Variants in MED13L observed in about 807,000 individuals in gnomAD.
MED13L encodes the protein mediator of RNA polymerase II transcription subunit 13-like.
A neutral mutation model predicts 220.9 loss-of-function variants in MED13L; 7 were observed. The observed-to-expected ratio is 0.03, with a 90% CI of 0.02 to 0.06. The LOEUF is 0.06. Ranked by LOEUF, MED13L falls within the 10% of genes least tolerant of loss-of-function variation. The pLI is 1.00. For missense variants in MED13L, 1,965 were observed against 2,760.5 expected, an observed-to-expected ratio of 0.71 and a Z score of 6.46; for synonymous variants, 1,011 against 1,015.2, an observed-to-expected ratio of 1.00 and a Z score of 0.08.
At chr12:116,061,546 G>C (rs1045104883) in intron 4 of MED13L, among the ~76,000 whole-genome samples, 1 of 152,034 alleles carries the variant, frequency 6.6e-6, no homozygotes, top group African/African-American at 2.4e-5. Flanking sequence ...GATAAAATAA[G>C]TGATAACCTT....
chr12:116,143,408 T>C (rs1877249852), intron 2 of MED13L, among the ~76,000 whole-genome samples: 1 of 151,940 alleles, frequency 6.6e-6, no homozygotes. Flanking sequence ...AAATTTAGCA[T>C]GCTCCTGCTT....
At position 115,972,149 on chromosome 12, in the gene MED13L, G is replaced by A; in HGVS notation, c.5819C>T (p.Ala1940Val). The A allele has an allele frequency of 6.2e-7, 1 of 1,614,040 alleles. No individual in the cohort carries two copies. The highest frequency in any genetic ancestry group is 2.2e-5 in the East Asian group (1 of 44,874). Reference sequence around the variant, plus strand: ...GGCACTAAGGATAGAAGGAGAGTCTGCGGCAGAGATTCCACACATCCGGCA... The same window carrying A: ...GGCACTAAGGATAGAAGGAGAGTCTACGGCAGAGATTCCACACATCCGGCA... ...DVCRMCGISA[A>V]DSPSILSACL... The change falls in exon 26 of 31, where the codon GCA becomes GTA. Residue 1940 changes from alanine to valine, a missense_variant. Ala to Val is a moderately conservative substitution (Grantham distance 64). This residue lies in a region of MED13L where 23 missense variants were observed against 20.4 expected (regional missense o/e 1.12). Transcript: ENST00000281928.
intron 2 of MED13L, among the ~76,000 whole-genome samples, chr12:116,189,384 C>CTA (rs1183523109): frequency 6.6e-6 from 1 of 151,924 alleles, no homozygotes; most frequent in East Asian, 1.9e-4. Context: ...TGAGAAATCT[C>CTA]TATATATACA....
At chr12:115,997,322 T>C in intron 14 of MED13L, 92 bp from the exon 15 acceptor site, 2 of 952,970 alleles carry the variant, frequency 2.1e-6, no homozygotes, top group Non-Finnish European at 1.6e-6. Flanking sequence ...GCACCAAAAA[T>C]AGTGCTAATT....
At chr12:116,043,216 T>C (rs1045239570) in intron 4 of MED13L, among the ~76,000 whole-genome samples, 4 of 152,008 alleles carry the variant, frequency 2.6e-5, no homozygotes, top group African/African-American at 9.7e-5. Flanking sequence ...ATGCATACAA[T>C]AGAGTACAGT....
intron 2 of MED13L, among the ~76,000 whole-genome samples, chr12:116,140,795 A>T (rs1877001314): frequency 6.6e-6 from 1 of 152,194 alleles, no homozygotes; most frequent in South Asian, 2.1e-4. Flanking sequence ...CAACAACTGA[A>T]TTTATCTTAG....
chr12:116,196,430 T>C (rs1232398390), intron 2 of MED13L, among the ~76,000 whole-genome samples: 2 of 151,182 alleles, frequency 1.3e-5, no homozygotes, highest in Non-Finnish European at 2.9e-5. Flanking sequence ...GGCTGCAACT[T>C]AATAGTCCTT....
chr12:116,007,460 T>C lies in MED13L; in HGVS notation c.2189A>G (p.Asn730Ser), dbSNP rs2137378538. Residue 730 changes from asparagine (N) to serine (S), a missense_variant, in exon 11 of 31, where the codon AAC (asparagine) becomes AGC (serine). Coordinates refer to ENST00000281928, the MANE Select transcript of MED13L (RefSeq NM_015335.5). ...DGDIKYIFTANKKCKQGTEKD... is the reference protein window; with the variant it reads ...DGDIKYIFTASKKCKQGTEKD... ...CTCCGTCCCTTGTTTGCATTTCTTG[T>C]TGGCTGTAAAGATGTATTTTATGTC... 6.2e-7 allele frequency: 1 copy of C among 1,613,966 alleles called. No homozygotes were observed.
intron 1 of MED13L, among the ~76,000 whole-genome samples, chr12:116,253,743 G>A (rs1291690125): frequency 2.8e-5 from 4 of 140,500 alleles, no homozygotes; most frequent in Non-Finnish European, 3.1e-5. Flanking sequence ...CCACCTTCAC[G>A]GTTTTTTTTG....
chr12:116,104,027 T>TTTTTA (rs1873333304), intron 3 of MED13L, among the ~76,000 whole-genome samples: 2 of 114,420 alleles, frequency 1.7e-5, no homozygotes, highest in Non-Finnish European at 3.4e-5. Context: ...TTTTTTTTTT[T>TTTTTA]GAGACGGAGT....
At chr12:116,118,530 T>C (rs544698713) in intron 2 of MED13L, among the ~76,000 whole-genome samples, 10 of 152,330 alleles carry the variant, frequency 6.6e-5, no homozygotes, top group Non-Finnish European at 5.9e-5. Flanking sequence ...ATTTAGGCTA[T>C]GAAATTAAGG....
chr12:116,142,994 C>T (rs1396419225), intron 2 of MED13L, among the ~76,000 whole-genome samples: 6 of 152,130 alleles, frequency 3.9e-5, no homozygotes, highest in East Asian at 1.9e-4. Flanking sequence ...TGACAAGTTT[C>T]GTGGGCTCAG....
rs779711217 is a variant in MED13L, at chr12:115,991,081, A to C, written c.3873T>G (p.Gly1291=). 4 of 1,614,134 alleles carry C rather than the reference A, an allele frequency of 2.5e-6. No homozygotes were observed. Among genetic ancestry groups the C allele is most frequent in the Middle Eastern group, 1.6e-4 (1 of 6,062 alleles). Reference sequence around the variant, plus strand: ...TCACCAGAGCTTCGTCCACTTTTCCACCAGTGGGGTTATCCACATACTGCC... The same window carrying C: ...TCACCAGAGCTTCGTCCACTTTTCCCCCAGTGGGGTTATCCACATACTGCC... ...QGRQYVDNPT[G]GKVDEALVRS... Residue 1291 remains glycine (G), a synonymous_variant, in exon 17 of 31, where the codon GGT becomes GGG. Coordinates refer to ENST00000281928, the MANE Select transcript of MED13L (RefSeq NM_015335.5). The surrounding 1 kb of genome is among the most constrained non-coding windows in gnomAD (Gnocchi z 7.7).
intron 2 of MED13L, among the ~76,000 whole-genome samples, chr12:116,179,474 G>A (rs989665857): frequency 1.3e-5 from 2 of 151,930 alleles, no homozygotes; most frequent in African/African-American, 4.8e-5. Flanking sequence ...ATCAGGCATG[G>A]TGGTGCACAC....
chr12:116,262,080 G>A (rs1349420573), intron 1 of MED13L, among the ~76,000 whole-genome samples: 1 of 152,064 alleles, frequency 6.6e-6, no homozygotes, highest in African/African-American at 2.4e-5. Context: ...CCTTCAATTG[G>A]CCATCAAACA....
rs150037013 is a variant in MED13L at position 116,261,874 on chromosome 12, C to A, written c.72+15186G>T. Among the ~76,000 whole-genome samples the A allele has an allele frequency of 8.1e-3, 1,226 of 152,274 alleles. 25 individuals are homozygous for A. The highest frequency in any genetic ancestry group is 0.027 in the African/African-American group (1,136 of 41,530). ...TTTCCTTCTCTCCATTCCTACTGGC[C>A]CTGCGTTATTTCTCACACCTAGACT... On this transcript the variant is annotated intron_variant, in intron 1 of 30. Transcript: ENST00000281928.
At chr12:116,277,021 T>TC (rs746123417) in intron 1 of MED13L, 39 bp downstream of exon 1, 2 of 1,118,930 alleles carry the variant, frequency 1.8e-6, no homozygotes, top group South Asian at 1.3e-5. Context: ...CCCCCCCCCT[T>TC]CCCCGGCACA....
rs990427020 is a variant in MED13L at position 116,154,929 on chromosome 12, C to T, written c.311-43417G>A. Among the ~76,000 whole-genome samples the T allele has an allele frequency of 2.0e-5, 3 of 152,074 alleles. No homozygotes were observed. In the East Asian group the frequency reaches 5.8e-4, roughly 29 times the overall value. ...GCAACCTCTGCCTCCCAGGTTTAAG[C>T]AATTCTCCTACCTCAGCCTCCCAAG... On this transcript the variant is annotated intron_variant, in intron 2 of 30. Transcript: ENST00000281928.
intron 4 of MED13L, among the ~76,000 whole-genome samples, chr12:116,075,931 T>C (rs139904533): frequency 0.15 from 21,457 of 144,312 alleles, 1,756 homozygotes; most frequent in Middle Eastern, 0.21. Flanking sequence ...TTTTTTTTTT[T>C]GAGACGGAGT....
Sources: gnomAD v4.1 joint callset for allele counts (sites outside exome capture counted in the v4.1 genomes callset) on GRCh38, gnomAD v4.1.1 for gene constraint, gnomAD v4.1.1 regional missense constraint, Gnocchi (gnomAD v3.1) non-coding constraint, MANE v1.5 for transcripts, NCBI Gene and HGNC (gene_info 2026-07-23, HGNC 2026-07-21) for gene names.